Variants in NVL observed in about 807,000 individuals in gnomAD.
NVL encodes nuclear valosin-containing protein-like.
A neutral mutation model predicts 110.2 loss-of-function variants in NVL; 84 were observed. The ratio of observed to expected loss-of-function variants is 0.76; its 90% confidence interval spans 0.64 to 0.91. The LOEUF is 0.91. NVL is among the 40% of genes least tolerant of loss of function. NVL has a pLI of 0.00. For missense variants in NVL, 882 were observed against 1,035.9 expected, an observed-to-expected ratio of 0.85 and a Z score of 2.04; for synonymous variants, 354 against 361.1, an observed-to-expected ratio of 0.98 and a Z score of 0.22.
intron 15 of NVL, among the ~76,000 whole-genome samples, chr1:224,282,070 A>T (rs553220559): frequency 3.5e-5 from 5 of 142,222 alleles, no homozygotes; most frequent in East Asian, 2.0e-4. Context: ...TTTCACTTTA[A>T]TTTTTTTTTT....
In NVL at chr1:224,289,536, G is replaced by A; in HGVS notation, c.1523C>T (p.Ser508Phe). 1 of 1,614,222 alleles carries A rather than the reference G, an allele frequency of 6.2e-7. No individual in the cohort carries two copies. The highest frequency in any genetic ancestry group is 1.1e-5 in the South Asian group (1 of 91,090). The change falls in exon 13 of 23, where the codon TCT becomes TTT. Residue 508 changes from serine to phenylalanine, a missense_variant. By Grantham distance (155) the Ser-to-Phe change is radical. Coordinates refer to ENST00000281701, the MANE Select transcript of NVL (RefSeq NM_002533.4). ...CAGCCTTTCCTCCTGGACTCCTTTA[G>A]ATGGCAAATCTTCCATTTCAGGATT... ...KKNPEMEDLP[S>F]KGVQEERLGT...
chr1:224,236,426 G>A, intron 20 of NVL, 80 bp downstream of exon 20: 2 of 1,040,896 alleles, frequency 1.9e-6, no homozygotes, highest in Non-Finnish European at 3.0e-6. Flanking sequence ...ATCTGCTGAG[G>A]TGAGCATCAT....
intron 18 of NVL, among the ~76,000 whole-genome samples, chr1:224,266,239 C>G (rs751782351): frequency 2.0e-5 from 3 of 152,160 alleles, no homozygotes; most frequent in Non-Finnish European, 2.9e-5. Flanking sequence ...GATCCCCCCT[C>G]TCTCTGCTTC....
At chr1:224,281,287 G>A (rs1571932972) in intron 15 of NVL, 102 bp from the exon 16 acceptor site, 2 of 694,494 alleles carry the variant, frequency 2.9e-6, no homozygotes, top group East Asian at 5.5e-5. Flanking sequence ...CTGTGTGCGT[G>A]TGTGTGTGTG....
chr1:224,227,724 G>A, intron 22 of NVL, 54 bp from the exon 23 acceptor site: 7 of 1,551,484 alleles, frequency 4.5e-6, no homozygotes, highest in Non-Finnish European at 6.2e-6. Context: ...GTTTTGGGCT[G>A]AATGGTGCCC....
chr1:224,238,081 C>T (rs552938101), intron 19 of NVL, among the ~76,000 whole-genome samples: 77 of 151,708 alleles, frequency 5.1e-4, no homozygotes, highest in East Asian at 2.7e-3. Context: ...GTCATCCAGG[C>T]TTAGTGCAAT....
At chr1:224,314,562 T>G (rs1669875797) in intron 4 of NVL, among the ~76,000 whole-genome samples, 1 of 152,098 alleles carries the variant, frequency 6.6e-6, no homozygotes, top group African/African-American at 2.4e-5. Context: ...AAATTAAAAT[T>G]TATCGAAATC....
At chr1:224,246,998 C>T (rs1388349610) in intron 19 of NVL, among the ~76,000 whole-genome samples, 3 of 150,106 alleles carry the variant, frequency 2.0e-5, no homozygotes, top group South Asian at 2.1e-4. Flanking sequence ...GCTGAGATCA[C>T]GCTACTGCAC....
At chr1:224,280,521 T>C (rs903499813) in intron 16 of NVL, among the ~76,000 whole-genome samples, 37 of 151,036 alleles carry the variant, frequency 2.4e-4, no homozygotes, top group Non-Finnish European at 8.9e-5. Context: ...AAAAAGCCCA[T>C]AGGAAATACT....
chr1:224,306,172 G>A lies in NVL; in HGVS notation c.616-1006C>T, dbSNP rs567181831. On this transcript the variant is annotated intron_variant, in intron 6 of 22. Transcript: ENST00000281701. ...CTTGAGAGGCAGAAGGACCACTTGA[G>A]CTCAGGGTTTCAAGGCTATAGTGTT... Among the ~76,000 whole-genome samples the A allele has an allele frequency of 6.6e-5, 10 of 152,340 alleles. No individual in the cohort carries two copies. The South Asian group carries it at 1.9e-3, about 28-fold the overall frequency.
chr1:224,241,856 CAA>C (rs34996211), intron 19 of NVL, among the ~76,000 whole-genome samples: 8 of 132,762 alleles, frequency 6.0e-5, no homozygotes, highest in Non-Finnish European at 4.7e-5. Context: ...GACCTCGTCT[CAA>C]AAAAAAAAAA....
chr1:224,250,592 G>C (rs1662359776), intron 18 of NVL, among the ~76,000 whole-genome samples: 1 of 151,908 alleles, frequency 6.6e-6, no homozygotes, highest in African/African-American at 2.4e-5. Flanking sequence ...GGTTTTTGGG[G>C]AACAGGTGGT....
intron 8 of NVL, among the ~76,000 whole-genome samples, 158 bp from the exon 9 acceptor site, chr1:224,304,015 G>C (rs1668668842): frequency 6.6e-6 from 1 of 152,202 alleles, no homozygotes; most frequent in Non-Finnish European, 1.5e-5. Flanking sequence ...CCTACTGTGT[G>C]ATTTCAGCAA....
chr1:224,327,056 C>T (rs146671296), intron 1 of NVL, among the ~76,000 whole-genome samples: 2 of 152,114 alleles, frequency 1.3e-5, no homozygotes, highest in African/African-American at 2.4e-5. Flanking sequence ...GGTGGGAGAT[C>T]GCTTAAGCCC....
At chr1:224,282,321 C>G (rs1035357718) in intron 15 of NVL, among the ~76,000 whole-genome samples, 1 of 152,008 alleles carries the variant, frequency 6.6e-6, no homozygotes, top group African/African-American at 2.4e-5. Context: ...GGCTATAAAT[C>G]AAATGGAAAT....
At chr1:224,256,398 C>T (rs1344100070) in intron 18 of NVL, among the ~76,000 whole-genome samples, 1 of 127,726 alleles carries the variant, frequency 7.8e-6, no homozygotes, top group Non-Finnish European at 1.6e-5. Context: ...GCACTCCAGC[C>T]TGGGCAACAG....
At chr1:224,262,281 A>C (rs1295381774) in intron 18 of NVL, among the ~76,000 whole-genome samples, 1 of 152,150 alleles carries the variant, frequency 6.6e-6, no homozygotes, top group South Asian at 2.1e-4. Flanking sequence ...GAAGAAAAAT[A>C]ATTTTAAACT....
chr1:224,307,242 G>A (rs1669013638), intron 6 of NVL, among the ~76,000 whole-genome samples: 2 of 152,252 alleles, frequency 1.3e-5, no homozygotes, highest in South Asian at 4.1e-4. Context: ...CACCTGATTT[G>A]TACTTAGAGT....
At chr1:224,262,076 C>T (rs1664048419) in intron 18 of NVL, among the ~76,000 whole-genome samples, 1 of 151,930 alleles carries the variant, frequency 6.6e-6, no homozygotes, top group Admixed American at 6.6e-5. Flanking sequence ...GCATTAATAC[C>T]TCAATAATTG....
Sources: gnomAD v4.1 joint callset for allele counts (sites outside exome capture counted in the v4.1 genomes callset) on GRCh38, gnomAD v4.1.1 for gene constraint, MANE v1.5 for transcripts, NCBI Gene and HGNC (gene_info 2026-07-23, HGNC 2026-07-21) for gene names.